The following TRAPPC3 variants were observed in gnomAD, a reference collection of about 807,000 sequenced individuals.
TRAPPC3 encodes trafficking protein particle complex subunit 3.
In TRAPPC3, 5 loss-of-function variants were observed where a neutral mutation model predicts 18.2. That is an observed-to-expected ratio of 0.28 (90% CI 0.14 to 0.58). The LOEUF (loss-of-function observed/expected upper bound fraction) is 0.58, where lower values mean the gene tolerates loss of function less well. TRAPPC3 is among the 20% of genes least tolerant of loss of function. TRAPPC3 has a pLI of 0.91. For missense variants in TRAPPC3, 176 were observed against 225.9 expected (o/e 0.78, Z 1.41); for synonymous variants, 65 against 84.2 (o/e 0.77, Z 1.25).
chr1:36,152,311 T>G (rs1644277128), upstream of TRAPPC3, among the ~76,000 whole-genome samples: 1 of 140,650 alleles, frequency 7.1e-6, no homozygotes, highest in African/African-American at 3.0e-5. Context: ...TTTTTTTTTT[T>G]GTCCTCCTTT....
At chr1:36,137,724 T>C (rs1644046337) in intron 4 of TRAPPC3, 72 bp downstream of exon 4, 2 of 1,477,358 alleles carry the variant, frequency 1.4e-6, no homozygotes, top group African/African-American at 1.4e-5. Context: ...TTTTCTCTCT[T>C]TCATTCATTT....
intron 1 of TRAPPC3, among the ~76,000 whole-genome samples, chr1:36,143,912 A>G (rs1212411679): frequency 6.6e-6 from 1 of 152,132 alleles, no homozygotes; most frequent in Non-Finnish European, 1.5e-5. Context: ...CAATCAGATA[A>G]TGTTTGTGGA....
intron 4 of TRAPPC3, 111 bp downstream of exon 4, chr1:36,137,685 A>G (rs1432325515): frequency 3.5e-6 from 4 of 1,154,842 alleles, no homozygotes; most frequent in Non-Finnish European, 4.9e-6. Flanking sequence ...CTCAGGCAGT[A>G]AAGCGCTGGG....
At chr1:36,139,293 G>A (rs1266410952) in intron 3 of TRAPPC3, 1 of 162,616 alleles carries the variant, frequency 6.1e-6, no homozygotes, top group African/African-American at 2.4e-5. Flanking sequence ...GAGTACCTGG[G>A]ATTACAGGTG....
rs759829777 is a variant in TRAPPC3 at position 36,140,210 on chromosome 1, GA to G, written c.43-45del. 2.0e-5 allele frequency: 27 copies of G among 1,317,650 alleles called. No homozygotes were observed. The South Asian group carries it at 3.9e-4, about 19-fold the overall frequency. 81.6% of individuals were successfully genotyped at this position (1,317,650 alleles called of 1,614,324 possible). A position where few individuals can be genotyped will look rare whatever the true frequency, so the allele number is the denominator to read the frequency against. ...GCAGTCAGGACCAAGCAGCACAAAAGAGAAAGCGTGGTGAGAGTCTGGACCA... is the reference window on the plus strand; with the variant it reads ...GCAGTCAGGACCAAGCAGCACAAAAGGAAAGCGTGGTGAGAGTCTGGACCA... On this transcript the variant is annotated intron_variant, in intron 1 of 4. Coordinates refer to ENST00000373166, the MANE Select transcript of TRAPPC3 (RefSeq NM_014408.5).
chr1:36,149,314 C>T, intron 1 of TRAPPC3, 23 bp downstream of exon 1: 1 of 1,613,744 alleles, frequency 6.2e-7, no homozygotes, highest in Non-Finnish European at 8.5e-7. Flanking sequence ...CCCCGCCCGC[C>T]GAGGTCACGC....
At chr1:36,149,152 G>A (rs934694872) in intron 1 of TRAPPC3, 185 bp downstream of exon 1, 71 of 1,455,110 alleles carry the variant, frequency 4.9e-5, no homozygotes, top group Non-Finnish European at 5.6e-5. Flanking sequence ...GGTCTCCTCC[G>A]GGGAACTTCT....
chr1:36,139,634 G>A, intron 3 of TRAPPC3, 86 bp downstream of exon 3: 1 of 1,546,368 alleles, frequency 6.5e-7, no homozygotes, highest in Non-Finnish European at 8.8e-7. Context: ...GAGATTAAAG[G>A]CCTCTCTAAG....
chr1:36,143,949 G>T (rs940619981), intron 1 of TRAPPC3, among the ~76,000 whole-genome samples: 17 of 152,118 alleles, frequency 1.1e-4, no homozygotes, highest in African/African-American at 3.4e-4. Context: ...AGGTACTCAA[G>T]AAATACATAC....
chr1:36,139,455 C>A (rs939763595), intron 3 of TRAPPC3: 3 of 396,016 alleles, frequency 7.6e-6, no homozygotes, highest in African/African-American at 4.1e-5. Flanking sequence ...CACGCCCGAC[C>A]GAGTCTGTAT....
chr1:36,155,985 G>A (rs973685357), exon 1 of TRAPPC3: 1 of 156,326 alleles, frequency 6.4e-6, no homozygotes, highest in African/African-American at 2.4e-5. Flanking sequence ...CCGTGGCCGT[G>A]GGAGAGGCGC....
chr1:36,141,867 A>C (rs1644112931), intron 1 of TRAPPC3, among the ~76,000 whole-genome samples: 1 of 148,200 alleles, frequency 6.7e-6, no homozygotes, highest in African/African-American at 2.5e-5. Context: ...CTAAGGCAGG[A>C]GAATCGCTAG....
At chr1:36,140,244 T>C in intron 1 of TRAPPC3, 78 bp from the exon 2 acceptor site, 1 of 852,000 alleles carries the variant, frequency 1.2e-6, no homozygotes, top group Non-Finnish European at 1.8e-6. Context: ...CCAGCCTTGA[T>C]GCAACTGTCA....
chr1:36,152,504 T>G (rs1477951473), upstream of TRAPPC3, among the ~76,000 whole-genome samples: 1 of 151,936 alleles, frequency 6.6e-6, no homozygotes, highest in African/African-American at 2.4e-5. Flanking sequence ...GAGACTGGGT[T>G]TCGACATGTT....
intron 1 of TRAPPC3, among the ~76,000 whole-genome samples, chr1:36,146,704 G>A (rs1022531734): frequency 2.6e-5 from 4 of 151,904 alleles, no homozygotes; most frequent in Admixed American, 6.6e-5. Flanking sequence ...AGGTGCAGGC[G>A]GTACTACACC....
intron 1 of TRAPPC3, among the ~76,000 whole-genome samples, chr1:36,143,781 G>T (rs1644151300): frequency 1.3e-5 from 2 of 152,200 alleles, no homozygotes; most frequent in African/African-American, 2.4e-5. Context: ...GCATTATCCT[G>T]TAAAAAGCTT....
rs200536355 is a variant in TRAPPC3, at chr1:36,137,969, T to G, written c.250A>C (p.Lys84Gln). The G allele has an allele frequency of 1.2e-6, 2 of 1,613,952 alleles. No individual in the cohort carries two copies. Among genetic ancestry groups the G allele is most frequent in the Non-Finnish European group, 1.7e-6 (2 of 1,179,894 alleles). Residue 84 changes from lysine (K) to glutamine (Q), a missense_variant, in exon 4 of 5, where the codon AAG (lysine) becomes CAG (glutamine). Lys to Gln is a moderately conservative substitution (Grantham distance 53). Around this residue, in one of 2 missense-constraint regions of TRAPPC3, gnomAD observed 147 missense variants for 164.3 expected, o/e 0.89. Transcript: ENST00000373166. ...TADVIAKVAF[K>Q]MYLGITPSIT... ...CTTGGAGTGATGCCCAAGTACATCT[T>G]GAACGCCACCTGTCAGGGGACACAC...
chr1:36,145,187 A>G (rs1277365366), intron 1 of TRAPPC3, among the ~76,000 whole-genome samples: 1 of 149,988 alleles, frequency 6.7e-6, no homozygotes, highest in East Asian at 2.1e-4. Flanking sequence ...ACACCCGGCT[A>G]ATTTTTTGTA....
chr1:36,149,279 C>T (rs1356271905), intron 1 of TRAPPC3, 58 bp downstream of exon 1: 1 of 1,611,172 alleles, frequency 6.2e-7, no homozygotes, highest in Non-Finnish European at 8.5e-7. Flanking sequence ...GGCGCCGGGC[C>T]CCTTCCCTGT....
Sources: allele counts gnomAD v4.1 joint callset (sites outside exome capture counted in the v4.1 genomes callset), GRCh38; gene constraint gnomAD v4.1.1; regional missense constraint gnomAD v4.1.1; transcripts MANE v1.5; gene names NCBI Gene and HGNC (gene_info 2026-07-23, HGNC 2026-07-21).